CTDSPL: variants seen among roughly 807,000 people sequenced by gnomAD.
CTDSPL encodes the protein CTD small phosphatase-like protein.
A neutral mutation model predicts 30.5 loss-of-function variants in CTDSPL; 8 were observed. That is an observed-to-expected ratio of 0.26 (90% CI 0.15 to 0.47). The LOEUF (loss-of-function observed/expected upper bound fraction) is 0.47. CTDSPL is among the 20% of genes least tolerant of loss of function. The probability of loss-of-function intolerance (pLI) is 0.99; values close to 1 mark genes in which losing one functional copy is unlikely to be tolerated. For synonymous variants in CTDSPL, 110 were observed against 137.9 expected (o/e 0.80, Z 1.42); for missense variants, 248 against 366.1 (o/e 0.68, Z 2.63).
chr3:37,915,202 G>C (rs1398884316), intron 1 of CTDSPL, among the ~76,000 whole-genome samples: 1 of 152,022 alleles, frequency 6.6e-6, no homozygotes, highest in Non-Finnish European at 1.5e-5. Flanking sequence ...ATACTCCATT[G>C]ATCTGTTTTT....
intron 1 of CTDSPL, among the ~76,000 whole-genome samples, chr3:37,941,413 T>A (rs1386429723): frequency 6.7e-6 from 1 of 149,146 alleles, no homozygotes; most frequent in African/African-American, 2.4e-5. Context: ...CTTTCTATCT[T>A]TTTTTCTTTT....
chr3:37,891,262 C>T (rs77012127), intron 1 of CTDSPL, among the ~76,000 whole-genome samples: 4,911 of 152,280 alleles, frequency 0.032, 214 homozygotes, highest in African/African-American at 0.098. Flanking sequence ...GGGATCTACC[C>T]CAAACCAGAT....
chr3:37,906,320 G>T (rs1427808524), intron 1 of CTDSPL, among the ~76,000 whole-genome samples: 1 of 152,188 alleles, frequency 6.6e-6, no homozygotes, highest in Non-Finnish European at 1.5e-5. Context: ...GGGTCCAGCA[G>T]CCTCTCCTTC....
chr3:37,888,292 T>G (rs978761520), intron 1 of CTDSPL, among the ~76,000 whole-genome samples: 1 of 152,222 alleles, frequency 6.6e-6, no homozygotes, highest in Non-Finnish European at 1.5e-5. Flanking sequence ...AAAAGTAAGA[T>G]TGCATCAGTC....
chr3:37,891,899 CATGTACACACAT>C (rs1698331624), intron 1 of CTDSPL, among the ~76,000 whole-genome samples: 1 of 151,492 alleles, frequency 6.6e-6, no homozygotes, highest in African/African-American at 2.4e-5. Flanking sequence ...CATGTACATA[CATGTACACACAT>C]ATATATGTGC....
chr3:37,917,615 A>G (rs187750842), intron 1 of CTDSPL, among the ~76,000 whole-genome samples: 12 of 152,314 alleles, frequency 7.9e-5, no homozygotes, highest in Admixed American at 5.2e-4. Flanking sequence ...TTACTATTAA[A>G]CGTTTCCATT....
In CTDSPL at chr3:37,971,436, C is replaced by T. The variant is rs1365089977; in HGVS notation, c.456C>T (p.Asp152=). Residue 152 remains aspartate, a synonymous_variant, in exon 6 of 8, where the codon GAC becomes GAT. Coordinates refer to ENST00000273179, the MANE Select transcript of CTDSPL (RefSeq NM_001008392.2). The part of the protein sequence containing the change: ...QVYVLKRPHV[D]EFLQRMGQLF... ...ATGTGCTGAAGCGGCCACATGTGGACGAGTTCCTCCAGAGGATGGGGCAGC... is the reference window on the plus strand; with the variant it reads ...ATGTGCTGAAGCGGCCACATGTGGATGAGTTCCTCCAGAGGATGGGGCAGC... 24 of 1,614,052 alleles carry T rather than the reference C, an allele frequency of 1.5e-5. No individual in the cohort carries two copies. The highest frequency in any genetic ancestry group is 1.8e-5 in the Non-Finnish European group (21 of 1,180,028).
intron 1 of CTDSPL, among the ~76,000 whole-genome samples, chr3:37,880,058 A>G (rs1193128533): frequency 1.3e-5 from 2 of 150,466 alleles, no homozygotes; most frequent in Non-Finnish European, 3.0e-5. Context: ...AGAAAAGGAT[A>G]TATGCAAAGT....
At chr3:37,936,656 TAAAAAAAAA>T (rs577097327) in intron 1 of CTDSPL, among the ~76,000 whole-genome samples, 1 of 94,790 alleles carries the variant, frequency 1.1e-5, no homozygotes, top group Non-Finnish European at 2.1e-5. Flanking sequence ...TCTCCCCAGT[TAAAAAAAAA>T]AAAAAAAAAA....
chr3:37,903,752 A>T (rs987796323), intron 1 of CTDSPL, among the ~76,000 whole-genome samples: 2 of 152,134 alleles, frequency 1.3e-5, no homozygotes, highest in Admixed American at 6.6e-5. Context: ...CTTCTTGGGG[A>T]CAAAAGCCCA....
chr3:37,928,567 AT>A (rs1434715212), intron 1 of CTDSPL, among the ~76,000 whole-genome samples: 1 of 150,934 alleles, frequency 6.6e-6, no homozygotes, highest in Non-Finnish European at 1.5e-5. Flanking sequence ...CCCATGTTTT[AT>A]TTTTTCTGTA....
At chr3:37,971,713 A>G (rs182967200) in intron 6 of CTDSPL, among the ~76,000 whole-genome samples, 2 of 152,276 alleles carry the variant, frequency 1.3e-5, no homozygotes. Context: ...ACTTAGAACA[A>G]ATGCTCCATG....
intron 1 of CTDSPL, among the ~76,000 whole-genome samples, chr3:37,918,145 A>G (rs1259278407): frequency 6.6e-6 from 1 of 152,190 alleles, no homozygotes; most frequent in Non-Finnish European, 1.5e-5. Context: ...TGCTCACTGA[A>G]TAAGATAACA....
chr3:37,906,977 C>A (rs1575292021), intron 1 of CTDSPL, among the ~76,000 whole-genome samples: 1 of 152,312 alleles, frequency 6.6e-6, no homozygotes, highest in African/African-American at 2.4e-5. Context: ...AAGAGAGTTA[C>A]AGTCATAAAC....
chr3:37,915,478 G>C (rs1371984879), intron 1 of CTDSPL, among the ~76,000 whole-genome samples: 1 of 151,656 alleles, frequency 6.6e-6, no homozygotes, highest in Non-Finnish European at 1.5e-5. Context: ...TTTATTTTCT[G>C]TCCTTGTGTC....
At chr3:37,910,261 C>T (rs1698567024) in intron 1 of CTDSPL, among the ~76,000 whole-genome samples, 1 of 152,160 alleles carries the variant, frequency 6.6e-6, no homozygotes, top group African/African-American at 2.4e-5. Flanking sequence ...GGGTGGGTCA[C>T]CTGAGGTTAG....
At chr3:37,885,989 G>T (rs1363569316) in intron 1 of CTDSPL, among the ~76,000 whole-genome samples, 1 of 152,116 alleles carries the variant, frequency 6.6e-6, no homozygotes. Flanking sequence ...AGCTTTTCCA[G>T]TTGACATGTT....
chr3:37,959,117 C>T (rs1332188295), intron 3 of CTDSPL, among the ~76,000 whole-genome samples: 1 of 152,208 alleles, frequency 6.6e-6, no homozygotes, highest in Non-Finnish European at 1.5e-5. Context: ...ATCCCACAAC[C>T]TCCTGAAAGC....
rs531249994 is a variant in CTDSPL at position 37,945,136 on chromosome 3, A to G, written c.80-1921A>G. Reference sequence around the variant, plus strand: ...GAATGTGCTATCAGCCAGGGAAAAGATTTTTTTTTCCCCCTGACTAAATTA... The same window carrying G: ...GAATGTGCTATCAGCCAGGGAAAAGGTTTTTTTTTCCCCCTGACTAAATTA... On this transcript the variant is annotated intron_variant, in intron 1 of 7. Transcript: ENST00000273179. 1.8e-3 allele frequency among the ~76,000 whole-genome samples: 271 copies of G among 149,656 alleles called. 8 individuals are homozygous for G. The highest frequency in any genetic ancestry group is 6.2e-3 in the African/African-American group (255 of 41,214).
Sources: allele counts gnomAD v4.1 joint callset (sites outside exome capture counted in the v4.1 genomes callset), GRCh38; gene constraint gnomAD v4.1.1; transcripts MANE v1.5; gene names NCBI Gene and HGNC (gene_info 2026-07-23, HGNC 2026-07-21).